The following FRMD4B variants were observed in gnomAD, a reference collection of about 807,000 sequenced individuals.
FRMD4B encodes FERM domain-containing protein 4B.
Under a neutral mutation model 141.5 loss-of-function variants are expected in FRMD4B, and 74 were observed. The observed-to-expected ratio is 0.52, with a 90% CI of 0.43 to 0.63. The LOEUF (loss-of-function observed/expected upper bound fraction) is 0.63, where lower values mean the gene tolerates loss of function less well. Ranked by LOEUF, FRMD4B falls within the 30% of genes least tolerant of loss-of-function variation. The probability of loss-of-function intolerance (pLI) is 0.00; values close to 1 mark genes in which losing one functional copy is unlikely to be tolerated. For synonymous variants in FRMD4B, 506 were observed against 467.9 expected (o/e 1.08, Z -1.05); for missense variants, 1,366 against 1,253.4 (o/e 1.09, Z -1.36).
chr3:69,481,035 T>C (rs796641960), intron 1 of FRMD4B, among the ~76,000 whole-genome samples: 29 of 152,330 alleles, frequency 1.9e-4, no homozygotes, highest in African/African-American at 6.7e-4. Flanking sequence ...TATAATCTCC[T>C]GGTGCGCCGT....
intron 1 of FRMD4B, chr3:69,333,869 A>C (rs1423923322): frequency 6.6e-6 from 1 of 152,330 alleles, no homozygotes; most frequent in African/African-American, 2.4e-5. Flanking sequence ...GGTAGGTGTC[A>C]GATAACCAAA....
At chr3:69,188,974 CACT>C (rs2092803845) in intron 18 of FRMD4B, among the ~76,000 whole-genome samples, 1 of 151,766 alleles carries the variant, frequency 6.6e-6, no homozygotes, top group African/African-American at 2.4e-5. Context: ...GTAATCCTGG[CACT>C]TTGGGAGGCC....
intron 1 of FRMD4B, among the ~76,000 whole-genome samples, chr3:69,539,212 T>G (rs1701128903): frequency 6.6e-6 from 1 of 152,234 alleles, no homozygotes; most frequent in Admixed American, 6.5e-5. Context: ...CTGTTTTCCA[T>G]GTACCCTATT....
chr3:69,194,831 A>C (rs773172472), intron 16 of FRMD4B, among the ~76,000 whole-genome samples, 191 bp downstream of exon 16: 6 of 152,230 alleles, frequency 3.9e-5, no homozygotes, highest in African/African-American at 9.6e-5. Context: ...TGGGGAGTAA[A>C]TTAGTGAGAA....
At chr3:69,239,833 G>C (rs1449182802) in intron 7 of FRMD4B, among the ~76,000 whole-genome samples, 3 of 151,982 alleles carry the variant, frequency 2.0e-5, no homozygotes, top group African/African-American at 7.3e-5. Flanking sequence ...GAGGCGGGTG[G>C]ATTGCCTCAA....
At chr3:69,277,312 TC>T (rs762264811) in intron 5 of FRMD4B, among the ~76,000 whole-genome samples, 14 of 151,912 alleles carry the variant, frequency 9.2e-5, no homozygotes, top group Non-Finnish European at 1.9e-4. Flanking sequence ...GCAGGGGAGG[TC>T]CTAACTGATT....
chr3:69,260,867 T>C (rs2093522517), intron 5 of FRMD4B, among the ~76,000 whole-genome samples: 1 of 152,224 alleles, frequency 6.6e-6, no homozygotes, highest in South Asian at 2.1e-4. Flanking sequence ...AACTTTTATA[T>C]CTAGCTAGAG....
chr3:69,405,680 G>T (rs967024476), intron 2 of FRMD4B, among the ~76,000 whole-genome samples: 2 of 152,294 alleles, frequency 1.3e-5, no homozygotes, highest in South Asian at 4.1e-4. Flanking sequence ...TTGCTAAGCC[G>T]TGACGTTCTA....
intron 5 of FRMD4B, among the ~76,000 whole-genome samples, chr3:69,261,269 A>G (rs1274483349): frequency 6.6e-6 from 1 of 152,220 alleles, no homozygotes; most frequent in Non-Finnish European, 1.5e-5. Flanking sequence ...CATCAGAAGG[A>G]ATGGACTTTG....
intron 1 of FRMD4B, among the ~76,000 whole-genome samples, chr3:69,365,395 A>G (rs187423057): frequency 6.6e-6 from 1 of 152,382 alleles, no homozygotes; most frequent in East Asian, 1.9e-4. Flanking sequence ...AAAAACAAAT[A>G]AAATGTACAT....
chr3:69,307,579 A>T (rs1701437083), intron 3 of FRMD4B, among the ~76,000 whole-genome samples: 1 of 152,056 alleles, frequency 6.6e-6, no homozygotes, highest in South Asian at 2.1e-4. Context: ...ACCTCAGGTG[A>T]TCCACCCTCC....
chr3:69,225,321 A>C (rs567685047), intron 7 of FRMD4B, among the ~76,000 whole-genome samples: 7 of 152,144 alleles, frequency 4.6e-5, no homozygotes, highest in African/African-American at 1.7e-4. Context: ...CTATTATCTA[A>C]TTATAAAATG....
chr3:69,445,311 C>A (rs1705396198), intron 1 of FRMD4B, among the ~76,000 whole-genome samples: 1 of 152,170 alleles, frequency 6.6e-6, no homozygotes, highest in Admixed American at 6.5e-5. Flanking sequence ...AGGATATTTA[C>A]AAATACTGCT....
intron 4 of FRMD4B, among the ~76,000 whole-genome samples, chr3:69,294,624 T>G (rs1018827489): frequency 1.2e-4 from 19 of 152,154 alleles, no homozygotes; most frequent in Admixed American, 1.2e-3. Context: ...CTTGCTCCTT[T>G]CCCACAGCAT....
rs187901513 is a variant in FRMD4B, at chr3:69,180,920, G to C, written c.2830C>G (p.Arg944Gly). The C allele has an allele frequency of 5.6e-6, 9 of 1,608,546 alleles. No homozygotes were observed. The highest frequency in any genetic ancestry group is 5.0e-5 in the Admixed American group (3 of 59,904). ...GLQVPCSPSS[R>G]ASSYSSVSST... ...TCACCTGAAGAGTACGAGGATGCACGACTGCTTGGAGAACAAGGTACTTGC... is the reference window on the plus strand; with the variant it reads ...TCACCTGAAGAGTACGAGGATGCACCACTGCTTGGAGAACAAGGTACTTGC... Residue 944 changes from arginine to glycine, a missense_variant, in exon 21 of 23, where the codon CGT becomes GGT. Transcript: ENST00000398540.
intron 1 of FRMD4B, among the ~76,000 whole-genome samples, chr3:69,340,923 A>G (rs947394042): frequency 1.3e-5 from 2 of 152,228 alleles, no homozygotes; most frequent in African/African-American, 4.8e-5. Flanking sequence ...GCAATAAAAA[A>G]ATAATTAAAA....
chr3:69,292,933 A>T, intron 4 of FRMD4B: 1 of 393,720 alleles, frequency 2.5e-6, no homozygotes, highest in Non-Finnish European at 5.0e-6. Flanking sequence ...TTCGGAAAGA[A>T]CCCAGGCTTT....
intron 4 of FRMD4B, 102 bp downstream of exon 4, chr3:69,302,241 T>G (rs999572225): frequency 2.9e-6 from 2 of 693,132 alleles, no homozygotes; most frequent in Non-Finnish European, 5.3e-6. Flanking sequence ...TTATTTGCTA[T>G]CTCTAATCAC....
intron 1 of FRMD4B, among the ~76,000 whole-genome samples, chr3:69,528,806 A>T (rs933659662): frequency 1.3e-5 from 2 of 152,086 alleles, no homozygotes; most frequent in Non-Finnish European, 2.9e-5. Flanking sequence ...GCCACCAAAA[A>T]AAAAAAAAAG....
Sources: allele counts gnomAD v4.1 joint callset (sites outside exome capture counted in the v4.1 genomes callset), GRCh38; gene constraint gnomAD v4.1.1; transcripts MANE v1.5; gene names NCBI Gene and HGNC (gene_info 2026-07-23, HGNC 2026-07-21).